Variants in NCOA1 observed in about 807,000 individuals in gnomAD.
NCOA1 encodes the protein nuclear receptor coactivator 1.
In NCOA1, 35 loss-of-function variants were observed where a neutral mutation model predicts 150.9. The ratio of observed to expected loss-of-function variants is 0.23; its 90% CI spans 0.18 to 0.31. The LOEUF (loss-of-function observed/expected upper bound fraction) is 0.31. Among genes scored for constraint, NCOA1 ranks in the 10% least tolerant of loss-of-function variants. The pLI is 1.00. For missense variants in NCOA1, 1,491 were observed against 1,749.3 expected (o/e 0.85, Z 2.63); for synonymous variants, 590 against 630.0 (o/e 0.94, Z 0.95).
chr2:24,733,345 C>T (rs1365373130), intron 17 of NCOA1, among the ~76,000 whole-genome samples: 3 of 151,950 alleles, frequency 2.0e-5, no homozygotes. Flanking sequence ...AAAAAAAGAA[C>T]ACCATTAGCG....
chr2:24,515,410 CTT>C (rs1327413008), intron 1 of NCOA1, among the ~76,000 whole-genome samples: 2 of 151,534 alleles, frequency 1.3e-5, no homozygotes, highest in African/African-American at 2.4e-5. Context: ...TATTTTAAAA[CTT>C]TTTTTTAGAG....
chr2:24,643,114 A>G (rs866621568), intron 3 of NCOA1, among the ~76,000 whole-genome samples: 3 of 152,248 alleles, frequency 2.0e-5, no homozygotes, highest in Admixed American at 6.5e-5. Context: ...AAATGAGTGC[A>G]TGCAAAAACT....
chr2:24,544,206 G>T (rs975392287), intron 1 of NCOA1, among the ~76,000 whole-genome samples: 1 of 152,140 alleles, frequency 6.6e-6, no homozygotes, highest in African/African-American at 2.4e-5. Context: ...CCCTGGAGGA[G>T]AAGATTAGGG....
chr2:24,612,722 T>A (rs1293599923), intron 3 of NCOA1, among the ~76,000 whole-genome samples: 1 of 152,092 alleles, frequency 6.6e-6, no homozygotes, highest in Non-Finnish European at 1.5e-5. Flanking sequence ...CTTAAGTGAG[T>A]TTTCAATTCC....
intron 3 of NCOA1, among the ~76,000 whole-genome samples, chr2:24,627,348 T>C (rs1400287120): frequency 6.6e-6 from 1 of 152,190 alleles, no homozygotes; most frequent in East Asian, 1.9e-4. Flanking sequence ...AAAGGTAATA[T>C]GTAATTTAGA....
At chr2:24,646,977 T>C (rs1456054186) in intron 4 of NCOA1, among the ~76,000 whole-genome samples, 2 of 152,140 alleles carry the variant, frequency 1.3e-5, no homozygotes, top group East Asian at 1.9e-4. Flanking sequence ...TGACATCTTA[T>C]AAGAAATAAT....
At chr2:24,697,915 A>G in intron 11 of NCOA1, 117 bp downstream of exon 11, 1 of 1,187,500 alleles carries the variant, frequency 8.4e-7, no homozygotes, top group Non-Finnish European at 1.1e-6. Context: ...TTTTGCAATA[A>G]TCAGTTTTAG....
chr2:24,718,983 C>A (rs1175800980), intron 14 of NCOA1, among the ~76,000 whole-genome samples: 1 of 135,866 alleles, frequency 7.4e-6, no homozygotes. Context: ...TAGCCGAGAT[C>A]GCACCATTGC....
chr2:24,670,827 G>T (rs1211917745), intron 6 of NCOA1, among the ~76,000 whole-genome samples: 1 of 152,194 alleles, frequency 6.6e-6, no homozygotes, highest in Non-Finnish European at 1.5e-5. Context: ...ATTGCGTGTT[G>T]TGTAAATTAT....
intron 21 of NCOA1, among the ~76,000 whole-genome samples, chr2:24,759,591 T>C (rs896706274): frequency 2.0e-5 from 3 of 152,216 alleles, no homozygotes; most frequent in Non-Finnish European, 4.4e-5. Context: ...ATTCTCATTA[T>C]TCGTATCAGC....
chr2:24,582,202 A>G (rs1216756224), intron 2 of NCOA1, among the ~76,000 whole-genome samples: 1 of 152,188 alleles, frequency 6.6e-6, no homozygotes, highest in African/African-American at 2.4e-5. Flanking sequence ...TTATATATAG[A>G]AAAACCTAGA....
chr2:24,610,553 C>G (rs1242817968), intron 3 of NCOA1, among the ~76,000 whole-genome samples: 2 of 151,924 alleles, frequency 1.3e-5, no homozygotes, highest in East Asian at 1.9e-4. Context: ...TCTAGTAGTT[C>G]TGTTTGGTTA....
intron 14 of NCOA1, chr2:24,711,338 T>C (rs542602211): frequency 9.9e-5 from 38 of 384,610 alleles, no homozygotes; most frequent in Non-Finnish European, 1.6e-4. Context: ...AGGTGAGCAA[T>C]TGATGTTAAG....
chr2:24,579,121 G>T (rs1667102045), intron 2 of NCOA1, among the ~76,000 whole-genome samples: 1 of 152,128 alleles, frequency 6.6e-6, no homozygotes, highest in African/African-American at 2.4e-5. Context: ...TACAGAACCT[G>T]TTCTCAGATA....
intron 6 of NCOA1, among the ~76,000 whole-genome samples, chr2:24,671,519 T>TA (rs1373051887): frequency 1.3e-5 from 2 of 152,130 alleles, no homozygotes; most frequent in African/African-American, 2.4e-5. Flanking sequence ...AAGCAAAATT[T>TA]AAAAATAAGA....
chr2:24,727,975 C>T (rs1245475385), intron 15 of NCOA1, among the ~76,000 whole-genome samples: 1 of 152,050 alleles, frequency 6.6e-6, no homozygotes, highest in East Asian at 1.9e-4. Flanking sequence ...ATGATTTTTT[C>T]TCAGTTTTTG....
intron 1 of NCOA1, among the ~76,000 whole-genome samples, chr2:24,532,570 G>A (rs1266994896): frequency 6.6e-6 from 1 of 152,230 alleles, no homozygotes; most frequent in Non-Finnish European, 1.5e-5. Flanking sequence ...TTCTTCTAGG[G>A]TTTTTATGGT....
chr2:24,707,130 T>G lies in NCOA1; in HGVS notation c.1660T>G (p.Phe554Val). 6.2e-7 allele frequency: 1 copy of G among 1,614,242 alleles called. No homozygotes were observed. The highest frequency in any genetic ancestry group is 8.5e-7 in the Non-Finnish European group (1 of 1,180,042). ...TGAAGGACCCAATAACTCCGTTGGC[T>G]TCTCTGCCAGTTCTCCAGTCCTCAG... ...MNEGPNNSVG[F>V]SASSPVLRQM... Residue 554 changes from phenylalanine (F) to valine (V), a missense_variant, in exon 13 of 23, where the codon TTC becomes GTC. Around this residue, in one of 8 missense-constraint regions of NCOA1, gnomAD observed 703 missense variants for 717.7 expected, o/e 0.98. Coordinates refer to ENST00000348332, the MANE Select transcript of NCOA1 (RefSeq NM_003743.5).
intron 3 of NCOA1, among the ~76,000 whole-genome samples, chr2:24,637,022 C>T (rs983775418): frequency 1.3e-4 from 19 of 150,850 alleles, no homozygotes; most frequent in Admixed American, 6.6e-4. Context: ...TTATTAATAG[C>T]GTATCCCTCA....
Sources: allele counts gnomAD v4.1 joint callset (sites outside exome capture counted in the v4.1 genomes callset), GRCh38; gene constraint gnomAD v4.1.1; regional missense constraint gnomAD v4.1.1; transcripts MANE v1.5; gene names NCBI Gene and HGNC (gene_info 2026-07-23, HGNC 2026-07-21).